KCNN2: variants seen among roughly 807,000 people sequenced by gnomAD.
KCNN2 encodes the protein small conductance calcium-activated potassium channel protein 2.
KCNN2 carries 24 observed loss-of-function variants against 55.5 expected under a neutral mutation model. The observed-to-expected ratio is 0.43, with a 90% CI of 0.31 to 0.61. KCNN2 has a LOEUF of 0.61. Among genes scored for constraint, KCNN2 ranks in the 20% least tolerant of loss-of-function variants. The pLI, the probability that KCNN2 is intolerant of heterozygous loss-of-function variation, is 0.08. For missense variants in KCNN2, 754 were observed against 853.6 expected, an observed-to-expected ratio of 0.88 and a Z score of 1.45; for synonymous variants, 431 against 336.1, an observed-to-expected ratio of 1.28 and a Z score of -3.09.
At chr5:114,484,124 C>A (rs548659035) in intron 5 of KCNN2, among the ~76,000 whole-genome samples, 2 of 152,126 alleles carry the variant, frequency 1.3e-5, no homozygotes, top group East Asian at 3.9e-4. Flanking sequence ...CTGTGGTGCC[C>A]AGTTAACACC....
At chr5:114,110,729 C>T (rs546474449) in intron 1 of KCNN2, among the ~76,000 whole-genome samples, 7 of 151,948 alleles carry the variant, frequency 4.6e-5, no homozygotes, top group African/African-American at 1.7e-4. Context: ...TTTGAATATT[C>T]TGGGATAGGT....
At chr5:114,451,603 A>T (rs1760680371) in intron 3 of KCNN2, among the ~76,000 whole-genome samples, 3 of 152,330 alleles carry the variant, frequency 2.0e-5, no homozygotes, top group African/African-American at 7.2e-5. Flanking sequence ...TATATAATTT[A>T]TAAAAATTCA....
chr5:114,238,983 G>A (rs1189731398), intron 2 of KCNN2, among the ~76,000 whole-genome samples: 1 of 152,160 alleles, frequency 6.6e-6, no homozygotes, highest in African/African-American at 2.4e-5. Flanking sequence ...TGGTGGTACA[G>A]CATGCTCAAT....
At chr5:114,449,429 C>T (rs1376891596) in intron 3 of KCNN2, among the ~76,000 whole-genome samples, 3 of 152,192 alleles carry the variant, frequency 2.0e-5, no homozygotes, top group South Asian at 2.1e-4. Context: ...TCTACTTTTA[C>T]GTAAATAGAG....
At chr5:114,073,196 C>T (rs1257322366) in intron 1 of KCNN2, among the ~76,000 whole-genome samples, 3 of 152,182 alleles carry the variant, frequency 2.0e-5, no homozygotes, top group Non-Finnish European at 4.4e-5. Flanking sequence ...GGAATATTCC[C>T]ATCAGATGTG....
At chr5:114,204,865 A>G (rs1753738757) in intron 1 of KCNN2, among the ~76,000 whole-genome samples, 1 of 152,256 alleles carries the variant, frequency 6.6e-6, no homozygotes. Context: ...ATAGCATAAT[A>G]TAACATGTCC....
At chr5:114,177,978 G>C (rs1753169276) in intron 1 of KCNN2, among the ~76,000 whole-genome samples, 1 of 152,168 alleles carries the variant, frequency 6.6e-6, no homozygotes, top group Non-Finnish European at 1.5e-5. Flanking sequence ...TCTTAAGTTT[G>C]AGTGCCTTGT....
chr5:114,269,890 A>G lies in KCNN2; in HGVS notation c.-185+48325A>G, dbSNP rs74346209. Among the ~76,000 whole-genome samples the G allele has an allele frequency of 1.4e-3, 219 of 152,314 alleles. 6 individuals are homozygous for G. In the East Asian group the frequency reaches 0.039, roughly 27 times the overall value. ...GCATATTAATTTAATCAAGGAAAGG[A>G]AAAGAATGAAATGGAGGGTCACCAC... On this transcript the variant is annotated intron_variant, in intron 2 of 10. Transcript: ENST00000512097.
At chr5:114,282,220 G>A (rs933344539) in intron 2 of KCNN2, among the ~76,000 whole-genome samples, 16 of 151,260 alleles carry the variant, frequency 1.1e-4, no homozygotes, top group Admixed American at 2.6e-4. Context: ...TTTCTTTCTC[G>A]TTTCACATAA....
intron 2 of KCNN2, among the ~76,000 whole-genome samples, chr5:114,398,381 A>T (rs1048424701): frequency 6.6e-6 from 1 of 151,904 alleles, no homozygotes; most frequent in Non-Finnish European, 1.5e-5. Context: ...TTTCTGCTCC[A>T]TTGAACTATG....
chr5:114,455,754 A>T (rs1760896252), intron 3 of KCNN2, among the ~76,000 whole-genome samples: 1 of 152,266 alleles, frequency 6.6e-6, no homozygotes, highest in African/African-American at 2.4e-5. Flanking sequence ...AATAGGAAAC[A>T]AAACAGCCTT....
intron 2 of KCNN2, among the ~76,000 whole-genome samples, chr5:114,325,554 A>G (rs1756697833): frequency 1.3e-5 from 2 of 152,338 alleles, no homozygotes; most frequent in South Asian, 4.1e-4. Flanking sequence ...CAATTAAACC[A>G]GGAGTGTTTA....
chr5:114,274,039 G>T (rs1455833834), intron 2 of KCNN2, among the ~76,000 whole-genome samples: 1 of 152,170 alleles, frequency 6.6e-6, no homozygotes, highest in East Asian at 1.9e-4. Flanking sequence ...AAGGGGTCCA[G>T]TTTCAGTTTT....
chr5:114,238,560 A>G (rs1754554641), intron 2 of KCNN2, among the ~76,000 whole-genome samples: 1 of 150,816 alleles, frequency 6.6e-6, no homozygotes, highest in Admixed American at 6.6e-5. Context: ...CAGGAGGCAG[A>G]GGTTGCAGTG....
intron 1 of KCNN2, among the ~76,000 whole-genome samples, chr5:114,210,837 G>C (rs4705638): frequency 0.72 from 110,044 of 152,000 alleles, 40,007 homozygotes; most frequent in East Asian, 0.87. Context: ...ATCTAGAAAC[G>C]TAGCAGCTCA....
At chr5:114,254,101 A>T (rs888856879) in intron 2 of KCNN2, among the ~76,000 whole-genome samples, 3 of 152,214 alleles carry the variant, frequency 2.0e-5, no homozygotes, top group African/African-American at 7.2e-5. Flanking sequence ...CTGACAAAAA[A>T]CATTTTGATC....
rs533872174 is a variant in KCNN2 at position 114,171,627 on chromosome 5, C to G, written c.-270-49853C>G. On this transcript the variant is annotated intron_variant, in intron 1 of 10. Coordinates refer to the KCNN2 transcript ENST00000512097. ...CTCGTTAAGGACTTTCCTCTCTAAA[C>G]TTTGAACTTATTTAAAATTGTGGAA... Among the ~76,000 whole-genome samples, 32 of 151,076 alleles carry G rather than the reference C, an allele frequency of 2.1e-4. No homozygotes were observed. In the South Asian group the frequency reaches 5.2e-3, roughly 25 times the overall value.
intron 4 of KCNN2, among the ~76,000 whole-genome samples, chr5:114,467,405 C>A (rs1055168596): frequency 2.4e-4 from 37 of 152,284 alleles, no homozygotes; most frequent in African/African-American, 8.2e-4. Context: ...GTGCAAAACA[C>A]TCAAGGATTT....
intron 2 of KCNN2, among the ~76,000 whole-genome samples, chr5:114,364,555 C>G (rs929576562): frequency 1.3e-5 from 2 of 151,564 alleles, no homozygotes; most frequent in East Asian, 3.9e-4. Flanking sequence ...TTCTGTGTAT[C>G]CAGTCATGAA....
Sources: gnomAD v4.1 joint callset for allele counts (sites outside exome capture counted in the v4.1 genomes callset) on GRCh38, gnomAD v4.1.1 for gene constraint, MANE v1.5 for transcripts, NCBI Gene and HGNC (gene_info 2026-07-23, HGNC 2026-07-21) for gene names.